The following KALRN variants were observed in gnomAD, a reference collection of about 807,000 sequenced individuals.
KALRN encodes kalirin RhoGEF kinase.
KALRN carries 70 observed loss-of-function variants against 353.7 expected under a neutral mutation model. The observed-to-expected ratio is 0.20, with a 90% CI of 0.16 to 0.24. The LOEUF (loss-of-function observed/expected upper bound fraction) is 0.24, where lower values mean the gene tolerates loss of function less well. KALRN is among the 10% of genes least tolerant of loss of function. KALRN has a pLI of 1.00. For synonymous variants in KALRN, 1,391 were observed against 1,434.8 expected (o/e 0.97, Z 0.69); for missense variants, 2,791 against 3,756.7 (o/e 0.74, Z 6.72).
At chr3:124,450,650 C>T (rs539878602) in intron 21 of KALRN, among the ~76,000 whole-genome samples, 5 of 151,776 alleles carry the variant, frequency 3.3e-5, no homozygotes, top group Middle Eastern at 3.4e-3. Context: ...GCAACCTTCA[C>T]CTCCTGGGTT....
intron 33 of KALRN, among the ~76,000 whole-genome samples, chr3:124,530,655 A>G (rs920045731): frequency 9.9e-5 from 15 of 152,192 alleles, no homozygotes; most frequent in Non-Finnish European, 2.1e-4. Context: ...AAGTGCGAGG[A>G]TTACAAGCCG....
At chr3:124,704,251 T>C (rs1370642997) in intron 57 of KALRN, among the ~76,000 whole-genome samples, 2 of 152,234 alleles carry the variant, frequency 1.3e-5, no homozygotes, top group Non-Finnish European at 2.9e-5. Flanking sequence ...TAGTTCTAAA[T>C]GAAATTGGTT....
At chr3:124,717,912 A>G (rs2150833766) in intron 59 of KALRN, among the ~76,000 whole-genome samples, 1 of 152,044 alleles carries the variant, frequency 6.6e-6, no homozygotes, top group East Asian at 2.0e-4. Flanking sequence ...CCCAGGTACC[A>G]GCGATTCTCC....
intron 6 of KALRN, among the ~76,000 whole-genome samples, chr3:124,303,466 G>C (rs1227517271): frequency 2.0e-5 from 3 of 152,216 alleles, no homozygotes. Context: ...CCCTGATTGT[G>C]GCCTTCTACT....
At chr3:124,405,082 A>G (rs957326077) in intron 13 of KALRN, among the ~76,000 whole-genome samples, 10 of 152,248 alleles carry the variant, frequency 6.6e-5, no homozygotes, top group Admixed American at 2.6e-4. Context: ...TAGAATGAAT[A>G]CAATGAAGTA....
chr3:124,338,438 G>A (rs745392062), intron 9 of KALRN, among the ~76,000 whole-genome samples: 1 of 152,202 alleles, frequency 6.6e-6, no homozygotes, highest in Non-Finnish European at 1.5e-5. Context: ...CCATGTAGTT[G>A]TGTGGTTTTG....
intron 3 of KALRN, among the ~76,000 whole-genome samples, chr3:124,236,125 G>A (rs12634237): frequency 0.093 from 14,112 of 152,042 alleles, 1,831 homozygotes; most frequent in East Asian, 0.64. Context: ...GACTGAACAA[G>A]TAGATGCTGA....
chr3:124,347,034 CA>C, intron 9 of KALRN, 108 bp from the exon 10 acceptor site: 1 of 1,516,474 alleles, frequency 6.6e-7, no homozygotes, highest in Admixed American at 1.8e-5. Flanking sequence ...TGCTGCTTTA[CA>C]ACTGGGATGG....
rs186416690 is a variant in KALRN at position 124,228,312 on chromosome 3, C to T, written c.148+248C>T. ...TGAGCTTCCCACCCAACCTCAGCCC[C>T]CTGGCCTGGCCCTGTGAGAGTTGCT... On this transcript the variant is annotated intron_variant, in intron 2 of 59. Coordinates refer to ENST00000682506, the MANE Select transcript of KALRN (RefSeq NM_001388419.1). Among the ~76,000 whole-genome samples the T allele has an allele frequency of 3.1e-3, 478 of 152,300 alleles. 3 individuals are homozygous for T. Among genetic ancestry groups the T allele is most frequent in the Non-Finnish European group, 4.9e-3 (335 of 68,022 alleles).
intron 57 of KALRN, among the ~76,000 whole-genome samples, chr3:124,706,236 T>C (rs1263672192): frequency 6.6e-6 from 1 of 151,974 alleles, no homozygotes; most frequent in Non-Finnish European, 1.5e-5. Context: ...AAGGGAAAAA[T>C]GGAGCATCCC....
intron 23 of KALRN, among the ~76,000 whole-genome samples, chr3:124,459,214 G>A (rs970641778): frequency 3.9e-5 from 6 of 152,202 alleles, no homozygotes; most frequent in Non-Finnish European, 7.3e-5. Flanking sequence ...GGTCCAGTGA[G>A]TGAATTGTAG....
At chr3:124,148,054 G>A (rs1339185725) in intron 1 of KALRN, among the ~76,000 whole-genome samples, 1 of 152,158 alleles carries the variant, frequency 6.6e-6, no homozygotes, top group Non-Finnish European at 1.5e-5. Context: ...TAATGAAAGT[G>A]GGAAGGATGG....
intron 58 of KALRN, 45 bp downstream of exon 58, chr3:124,713,180 G>T: frequency 6.6e-7 from 1 of 1,526,328 alleles, no homozygotes; most frequent in Non-Finnish European, 8.9e-7. Context: ...CATCCATTTA[G>T]GTTAGCTTTT....
chr3:124,056,333 G>A (rs749667348), intron 1 of KALRN, among the ~76,000 whole-genome samples: 30 of 152,092 alleles, frequency 2.0e-4, no homozygotes, highest in African/African-American at 2.9e-4. Context: ...ACCTCGAGTC[G>A]TCTGGCTGCC....
chr3:124,504,156 T>G (rs1261956329), intron 33 of KALRN, among the ~76,000 whole-genome samples: 1 of 152,170 alleles, frequency 6.6e-6, no homozygotes, highest in Non-Finnish European at 1.5e-5. Context: ...AAAGGTGATT[T>G]GCCAGTAGAT....
At chr3:124,450,608 G>A (rs1240413167) in intron 21 of KALRN, among the ~76,000 whole-genome samples, 1 of 151,240 alleles carries the variant, frequency 6.6e-6, no homozygotes, top group Admixed American at 6.6e-5. Flanking sequence ...TGTTGCCCAG[G>A]CTGGAGTGCA....
intron 33 of KALRN, among the ~76,000 whole-genome samples, chr3:124,547,249 C>T: frequency 6.6e-6 from 1 of 152,200 alleles, no homozygotes; most frequent in East Asian, 1.9e-4. Context: ...ATCCTCCTGC[C>T]TGGGCTTCTC....
At chr3:124,298,198 C>A (rs1221207068) in intron 5 of KALRN, among the ~76,000 whole-genome samples, 2 of 152,140 alleles carry the variant, frequency 1.3e-5, no homozygotes, top group Non-Finnish European at 2.9e-5. Context: ...GGCTTAATGC[C>A]CACTGTGCTA....
At chr3:124,525,175 G>A (rs1477777323) in intron 33 of KALRN, among the ~76,000 whole-genome samples, 1 of 152,188 alleles carries the variant, frequency 6.6e-6, no homozygotes, top group African/African-American at 2.4e-5. Context: ...GTACAGCCAG[G>A]CCTACCATGG....
Sources: allele counts gnomAD v4.1 joint callset (sites outside exome capture counted in the v4.1 genomes callset), GRCh38; gene constraint gnomAD v4.1.1; transcripts MANE v1.5; gene names NCBI Gene and HGNC (gene_info 2026-07-23, HGNC 2026-07-21).